Variants in SBNO2 observed in about 807,000 individuals in gnomAD.
The protein encoded by SBNO2 is protein strawberry notch homolog 2.
SBNO2 carries 89 observed loss-of-function variants against 146.3 expected under a neutral mutation model. The observed-to-expected ratio is 0.61, with a 90% CI of 0.51 to 0.73. SBNO2 has a LOEUF of 0.73. SBNO2 is among the 30% of genes least tolerant of loss of function. SBNO2 has a pLI of 0.00. For synonymous variants in SBNO2, 1,147 were observed against 892.6 expected (o/e 1.29, Z -5.08); for missense variants, 2,092 against 2,003.7 (o/e 1.04, Z -0.84).
In SBNO2 at chr19:1,112,804, CT is replaced by C. The variant is rs1454516291; in HGVS notation, c.2379+13del. 23 of 1,561,266 alleles carry C rather than the reference CT, an allele frequency of 1.5e-5. No homozygotes were observed. The Admixed American group carries it at 1.7e-4, about 12-fold the overall frequency. ...GGTCCCGTGGGCCGCGCCCAGTGCA[CT>C]GCAGCCCCGCACCTTCTCGCCGCTC... is the stretch of plus-strand genomic sequence containing the variant. On this transcript the variant is annotated intron_variant, in intron 20 of 31. Transcript: ENST00000361757. The surrounding 1 kb of genome is among the most constrained non-coding windows in gnomAD (Gnocchi z 5.9).
chr19:1,164,207 T>C (rs1288510775), intron 1 of SBNO2, among the ~76,000 whole-genome samples: 1 of 152,096 alleles, frequency 6.6e-6, no homozygotes, highest in Non-Finnish European at 1.5e-5. Context: ...GCTGGTGCCA[T>C]GGGAGGGAAA....
Position 1,123,643 on chromosome 19 carries a change from CG to C in SBNO2, c.523-5del. The C allele has an allele frequency of 6.2e-7, 1 of 1,609,192 alleles. No homozygotes were observed. The highest frequency in any genetic ancestry group is 8.5e-7 in the Non-Finnish European group (1 of 1,178,248). ...GCTGGCTCTGCACACTCTGCTCCTG[CG>C]TGCGTGGCGGGAGCTCAGCGGAGAC... On this transcript the variant is annotated splice_region_variant and splice_polypyrimidine_tract_variant and intron_variant, in intron 6 of 31. Coordinates refer to ENST00000361757, the MANE Select transcript of SBNO2 (RefSeq NM_014963.3).
At position 1,109,090 on chromosome 19, in the gene SBNO2, C is replaced by G; in HGVS notation, c.3425+45G>C. 1 of 1,541,338 alleles carries G rather than the reference C, an allele frequency of 6.5e-7. No individual in the cohort carries two copies. Among genetic ancestry groups the G allele is most frequent in the Non-Finnish European group, 8.7e-7 (1 of 1,143,418 alleles). On this transcript the variant is annotated intron_variant, in intron 30 of 31. Coordinates refer to ENST00000361757, the MANE Select transcript of SBNO2 (RefSeq NM_014963.3). This position sits in a 1 kb window ranked among gnomAD's most constrained non-coding sequence, Gnocchi z 4.2. Reference sequence around the variant, plus strand: ...GGGAGCCCCCGATCCCCGCCTGGGTCGCCGCCATCTGCCGGTTTCCCCCTG... The same window carrying G: ...GGGAGCCCCCGATCCCCGCCTGGGTGGCCGCCATCTGCCGGTTTCCCCCTG...
intron 11 of SBNO2, 108 bp downstream of exon 11, chr19:1,122,031 G>C: frequency 1.4e-6 from 1 of 704,560 alleles, no homozygotes; most frequent in Non-Finnish European, 1.8e-6. Flanking sequence ...CTCCCATCCT[G>C]CCCTCCTCTC....
chr19:1,160,563 G>T (rs376874645), intron 1 of SBNO2, among the ~76,000 whole-genome samples: 6 of 152,196 alleles, frequency 3.9e-5, no homozygotes, highest in South Asian at 4.1e-4. Context: ...TCGCCTCCTG[G>T]GTTCCAGTGA....
Position 1,147,435 on chromosome 19 carries a change from G to GGGC in SBNO2, c.168-16_168-15insGCC, listed in dbSNP as rs1555725733. 6.3e-6 allele frequency: 8 copies of GGGC among 1,277,378 alleles called. No individual in the cohort carries two copies. The highest frequency in any genetic ancestry group is 8.6e-6 in the Non-Finnish European group (8 of 935,188). The allele number at this position is 1,277,378 out of a possible 1,614,324, so 79.1% of individuals were successfully genotyped here. On this transcript the variant is annotated splice_polypyrimidine_tract_variant and intron_variant, in intron 3 of 31. Transcript: ENST00000361757. ...TCATGAACGGGCTGGAGGGAGATGG[G>GGGC]GGGGGGGGAGGTGAGATGGGGTGCT...
At chr19:1,167,935 G>C (rs372500493) in intron 1 of SBNO2, among the ~76,000 whole-genome samples, 14 of 152,272 alleles carry the variant, frequency 9.2e-5, no homozygotes, top group African/African-American at 3.4e-4. Flanking sequence ...TGAGGAGCTC[G>C]AGTATCCCCC....
intron 5 of SBNO2, among the ~76,000 whole-genome samples, chr19:1,124,415 C>T (rs1482682772): frequency 1.3e-5 from 2 of 152,174 alleles, no homozygotes; most frequent in Non-Finnish European, 2.9e-5. Flanking sequence ...GTGTGCCAGC[C>T]CCATGCAGTG....
In SBNO2 at chr19:1,117,375, G is replaced by A; in HGVS notation, c.1652C>T (p.Ala551Val). Reference protein sequence around the residue: ...QRFFKYLCIAAKVRRLVELAR... With the variant: ...QRFFKYLCIAVKVRRLVELAR... ...CAGCTCCACCAGCCGGCGCACCTTG[G>A]CTGCGATGCACAGATACTTGAAGAA... Residue 551 changes from alanine (A) to valine (V), a missense_variant, in exon 15 of 32, where the codon GCC becomes GTC. Transcript: ENST00000361757. 1 of 1,586,130 alleles carries A rather than the reference G, an allele frequency of 6.3e-7. No individual in the cohort carries two copies. Among genetic ancestry groups the A allele is most frequent in the Non-Finnish European group, 8.6e-7 (1 of 1,167,610 alleles).
rs1425396158 is a variant in SBNO2 at position 1,140,846 on chromosome 19, G to A, written c.279+6463C>T. 2.6e-5 allele frequency among the ~76,000 whole-genome samples: 4 copies of A among 152,068 alleles called. No homozygotes were observed. Among genetic ancestry groups the A allele is most frequent in the Non-Finnish European group, 5.9e-5 (4 of 67,988 alleles). On this transcript the variant is annotated intron_variant, in intron 4 of 31. Coordinates refer to ENST00000361757, the MANE Select transcript of SBNO2 (RefSeq NM_014963.3). The surrounding 1 kb of genome is among the most constrained non-coding windows in gnomAD (Gnocchi z 4.4). ...TGGATGGTGAAGGAACCCCGTCCCC[G>A]CCAAGCGGCCAAAGTTACCAGCATC...
intron 6 of SBNO2, 115 bp from the exon 7 acceptor site, chr19:1,123,754 G>T: frequency 8.6e-7 from 1 of 1,156,716 alleles, no homozygotes; most frequent in South Asian, 1.4e-5. Flanking sequence ...CCCAGGGGTG[G>T]GAGACGGCTC....
rs957960668 is a variant in SBNO2 at position 1,158,034 on chromosome 19, GTC to G, written c.-126-3634_-126-3633del. On this transcript the variant is annotated intron_variant, in intron 1 of 31. Coordinates refer to ENST00000361757, the MANE Select transcript of SBNO2 (RefSeq NM_014963.3). This position sits in a 1 kb window ranked among gnomAD's most constrained non-coding sequence, Gnocchi z 9.9. The stretch of plus-strand genomic sequence containing the variant: ...GTCTGGGTAACTGCATCTGCCTCCC[GTC>G]TCTCTCTCCTGAGTCCGGGTAACTG... Among the ~76,000 whole-genome samples the G allele has an allele frequency of 2.7e-5, 4 of 149,540 alleles. No homozygotes were observed. Among genetic ancestry groups the G allele is most frequent in the Non-Finnish European group, 4.4e-5 (3 of 67,488 alleles).
rs756233278 is a variant in SBNO2 at position 1,112,487 on chromosome 19, G to A, written c.2430C>T (p.Ala810=). The change falls in exon 21 of 32, where the codon GCC becomes GCT. Residue 810 remains alanine, a synonymous_variant. Coordinates refer to ENST00000361757, the MANE Select transcript of SBNO2 (RefSeq NM_014963.3). This position sits in a 1 kb window ranked among gnomAD's most constrained non-coding sequence, Gnocchi z 5.9. ...GCCGCTGGTTCTGGACACGGCGGTCGGCTTGGAGGGAGACACCCGAGCTGG... is the reference window on the plus strand; with the variant it reads ...GCCGCTGGTTCTGGACACGGCGGTCAGCTTGGAGGGAGACACCCGAGCTGG... ...EASSSGVSLQ[A]DRRVQNQRRR... 4 of 1,606,454 alleles carry A rather than the reference G, an allele frequency of 2.5e-6. No individual in the cohort carries two copies. Among genetic ancestry groups the A allele is most frequent in the Non-Finnish European group, 3.4e-6 (4 of 1,178,432 alleles).
rs1299860028 is a variant in SBNO2, at chr19:1,108,533, G to A, written c.3788C>T (p.Pro1263Leu). ...PGEVLDLTYS[P>L]PAEAFPPPPH... ...GGGCGGCGGGAAGGCCTCGGCCGGG[G>A]GGCTGTAGGTGAGGTCCAGCACCTC... The change falls in exon 32 of 32, where the codon CCC becomes CTC. Residue 1263 changes from proline (P) to leucine (L), a missense_variant. Physicochemically the swap from Pro to Leu is moderately conservative, Grantham distance 98. Transcript: ENST00000361757. 3.3e-6 allele frequency: 4 copies of A among 1,221,436 alleles called. No individual in the cohort carries two copies. The highest frequency in any genetic ancestry group is 1.6e-5 in the African/African-American group (1 of 61,734). The allele number at this position is 1,221,436 out of a possible 1,614,324, so 75.7% of individuals were successfully genotyped here. A position where few individuals can be genotyped will look rare whatever the true frequency, so the allele number is the denominator to read the frequency against.
At chr19:1,133,498 A>G (rs1488994818) in intron 4 of SBNO2, among the ~76,000 whole-genome samples, 1 of 152,100 alleles carries the variant, frequency 6.6e-6, no homozygotes, top group African/African-American at 2.4e-5. Flanking sequence ...TGCCAGCCCC[A>G]CTGGGGCCCC....
chr19:1,146,349 T>A (rs1293958350), intron 4 of SBNO2, among the ~76,000 whole-genome samples: 3 of 152,116 alleles, frequency 2.0e-5, no homozygotes, highest in African/African-American at 7.2e-5. Flanking sequence ...CGGCGAGCTG[T>A]TTGCAGGGCC....
At chr19:1,159,583 G>A (rs1348869575) in intron 1 of SBNO2, among the ~76,000 whole-genome samples, 3 of 61,312 alleles carry the variant, frequency 4.9e-5, no homozygotes, top group South Asian at 1.4e-3. Context: ...GGGAAGAGCA[G>A]GGGACAGTGG....
At chr19:1,164,640 AGGAG>A (rs2080388626) in intron 1 of SBNO2, among the ~76,000 whole-genome samples, 43 of 139,362 alleles carry the variant, frequency 3.1e-4, no homozygotes, top group African/African-American at 1.1e-3. Flanking sequence ...GAGGAGGAGG[AGGAG>A]GAACAGGAGG....
chr19:1,167,997 C>T (rs1039752371), intron 1 of SBNO2, among the ~76,000 whole-genome samples: 4 of 152,184 alleles, frequency 2.6e-5, no homozygotes, highest in Admixed American at 6.5e-5. Context: ...GGGCAGGAGC[C>T]GCCTCACCAG....
Sources: allele counts gnomAD v4.1 joint callset (sites outside exome capture counted in the v4.1 genomes callset), GRCh38; gene constraint gnomAD v4.1.1; non-coding constraint Gnocchi (gnomAD v3.1); transcripts MANE v1.5; gene names NCBI Gene and HGNC (gene_info 2026-07-23, HGNC 2026-07-21).